The following LHFPL4 variants were observed in gnomAD, a reference collection of about 807,000 sequenced individuals.
LHFPL4 encodes the protein LHFPL tetraspan subfamily member 4.
A neutral mutation model predicts 20.0 loss-of-function variants in LHFPL4; 6 were observed. The observed-to-expected ratio is 0.30, with a 90% CI of 0.16 to 0.59. The LOEUF (loss-of-function observed/expected upper bound fraction) is 0.59. Ranked by LOEUF, LHFPL4 falls within the 20% of genes least tolerant of loss-of-function variation. The probability of loss-of-function intolerance (pLI) is 0.88; values close to 1 mark genes in which losing one functional copy is unlikely to be tolerated. For synonymous variants in LHFPL4, 129 were observed against 143.8 expected (o/e 0.90, Z 0.74); for missense variants, 215 against 331.2 (o/e 0.65, Z 2.72).
intron 2 of LHFPL4, among the ~76,000 whole-genome samples, chr3:9,531,045 CAG>C (rs1487586229): frequency 2.0e-5 from 3 of 152,140 alleles, no homozygotes; most frequent in African/African-American, 7.2e-5. Flanking sequence ...GGGAGAGAGA[CAG>C]GGGAACAGCC....
chr3:9,533,184 T>C (rs1444564266), intron 2 of LHFPL4, among the ~76,000 whole-genome samples: 1 of 152,160 alleles, frequency 6.6e-6, no homozygotes, highest in Non-Finnish European at 1.5e-5. Flanking sequence ...CACTGAACCA[T>C]CCCCTAGACC....
rs2046561109 is a variant in LHFPL4 at position 9,552,399 on chromosome 3, G to A, written c.281C>T (p.Ala94Val). The A allele has an allele frequency of 1.1e-5, 17 of 1,613,806 alleles. No homozygotes were observed. Among genetic ancestry groups the A allele is most frequent in the Admixed American group, 1.7e-5 (1 of 59,994 alleles). ...GGAGAGCAGCACGAAGAAGGCGGCC[G>A]CCTTGAAGGCGCTGGACGGGATGGT... ...FSTIPSSAFK[A>V]AAFFVLLSMV... Residue 94 changes from alanine to valine, a missense_variant, in exon 2 of 4, where the codon GCG (alanine) becomes GTG (valine). By Grantham distance (64) the Ala-to-Val change is moderately conservative. Transcript: ENST00000287585.
At chr3:9,553,028 A>C (rs1396057646) in intron 1 of LHFPL4, among the ~76,000 whole-genome samples, 181 bp from the exon 2 acceptor site, 1 of 44,382 alleles carries the variant, frequency 2.3e-5, no homozygotes, top group Non-Finnish European at 4.6e-5. Flanking sequence ...GGAGTTGGGG[A>C]GGGGGTTTGA....
chr3:9,504,046 A>G (rs2046198452), intron 3 of LHFPL4, among the ~76,000 whole-genome samples: 1 of 151,986 alleles, frequency 6.6e-6, no homozygotes, highest in Non-Finnish European at 1.5e-5. Flanking sequence ...AAAAAAATAC[A>G]ATAATCAACA....
intron 2 of LHFPL4, among the ~76,000 whole-genome samples, chr3:9,513,834 G>T (rs1002565316): frequency 1.3e-5 from 2 of 152,152 alleles, no homozygotes; most frequent in East Asian, 1.9e-4. Context: ...AGACTGAGTG[G>T]TCACCATCAT....
intron 2 of LHFPL4, among the ~76,000 whole-genome samples, chr3:9,527,628 G>C (rs1469031956): frequency 6.6e-6 from 1 of 151,866 alleles, no homozygotes; most frequent in Non-Finnish European, 1.5e-5. Flanking sequence ...GATTGCTTGA[G>C]GTCAGAAGGC....
chr3:9,526,327 G>A (rs2046375136), intron 2 of LHFPL4, among the ~76,000 whole-genome samples: 1 of 152,156 alleles, frequency 6.6e-6, no homozygotes, highest in Non-Finnish European at 1.5e-5. Context: ...GAGCAATAAT[G>A]TGAATGTACT....
intron 1 of LHFPL4, 83 bp downstream of exon 1, chr3:9,553,602 G>A (rs1389149063): frequency 6.6e-6 from 1 of 151,218 alleles, no homozygotes; most frequent in Non-Finnish European, 1.5e-5. Context: ...GAGTAGGGCC[G>A]GGGTTGGGGG....
At chr3:9,522,540 G>C (rs541777027) in intron 2 of LHFPL4, among the ~76,000 whole-genome samples, 1 of 150,060 alleles carries the variant, frequency 6.7e-6, no homozygotes, top group Non-Finnish European at 1.5e-5. Flanking sequence ...AGGAGTTCGA[G>C]ACCAGGCTGG....
In LHFPL4 at chr3:9,535,827, G is replaced by T. The variant is rs893955111; in HGVS notation, c.406+16447C>A. Among the ~76,000 whole-genome samples, 8 of 151,958 alleles carry T rather than the reference G, an allele frequency of 5.3e-5. No homozygotes were observed. In the South Asian group the frequency reaches 1.5e-3, roughly 28 times the overall value. On this transcript the variant is annotated intron_variant, in intron 2 of 3. Coordinates refer to ENST00000287585, the MANE Select transcript of LHFPL4 (RefSeq NM_198560.3). ...CATTATAATTTCTTTTTGAGATAGG[G>T]TCTCACTCTTGTTGCCCAGGCTGGA...
rs551330379 is a variant in LHFPL4, at chr3:9,499,094, G to C, written c.*3117C>G. 3 of 153,402 alleles carry C rather than the reference G, an allele frequency of 2.0e-5. No homozygotes were observed. Among genetic ancestry groups the C allele is most frequent in the East Asian group, 1.9e-4 (1 of 5,192 alleles). The allele number at this position is 153,402 out of a possible 1,614,324, so 9.5% of individuals were successfully genotyped here. A position where few individuals can be genotyped will look rare whatever the true frequency, so the allele number is the denominator to read the frequency against. ...GTTAGGGGGGTCACAGTTAGGGGGG[G>C]ACTTCTCTTGGGACCTGAAGCCGGA... On this transcript the variant is annotated 3_prime_UTR_variant, in exon 4 of 4. Transcript: ENST00000287585.
chr3:9,515,886 T>C (rs529895010), intron 2 of LHFPL4, among the ~76,000 whole-genome samples: 1 of 152,134 alleles, frequency 6.6e-6, no homozygotes, highest in Admixed American at 6.5e-5. Context: ...GGCTAATTTT[T>C]GTATTTTTAG....
intron 1 of LHFPL4, among the ~76,000 whole-genome samples, chr3:9,553,072 G>A (rs976942972): frequency 6.6e-6 from 1 of 151,666 alleles, no homozygotes; most frequent in African/African-American, 2.4e-5. Flanking sequence ...GGGGACAAGG[G>A]GAGGTGGAAT....
intron 2 of LHFPL4, among the ~76,000 whole-genome samples, chr3:9,537,107 T>C (rs1325817590): frequency 6.6e-6 from 1 of 151,636 alleles, no homozygotes; most frequent in East Asian, 1.9e-4. Flanking sequence ...AGAAACCAGC[T>C]CTCCTACTTA....
At chr3:9,552,213 G>A (rs1418096228) in intron 2 of LHFPL4, 61 bp downstream of exon 2, 2 of 1,532,716 alleles carry the variant, frequency 1.3e-6, no homozygotes, top group Non-Finnish European at 1.8e-6. Flanking sequence ...AAGGGGACCT[G>A]GCAGGAAGGA....
At chr3:9,518,309 A>C (rs770650780) in intron 2 of LHFPL4, among the ~76,000 whole-genome samples, 1 of 152,096 alleles carries the variant, frequency 6.6e-6, no homozygotes, top group Non-Finnish European at 1.5e-5. Flanking sequence ...TTGACTTGCT[A>C]ATAATTTGTT....
At chr3:9,516,829 G>T (rs944823079) in intron 2 of LHFPL4, among the ~76,000 whole-genome samples, 6 of 146,202 alleles carry the variant, frequency 4.1e-5, no homozygotes, top group Non-Finnish European at 6.0e-5. Flanking sequence ...TCCCAGGCTG[G>T]AGTGCAGTAG....
intron 2 of LHFPL4, among the ~76,000 whole-genome samples, chr3:9,546,323 A>AG (rs1035023355): frequency 1.3e-5 from 2 of 151,394 alleles, no homozygotes; most frequent in Non-Finnish European, 2.9e-5. Flanking sequence ...TGAAAAAAAA[A>AG]AAAAAGAAAA....
intron 2 of LHFPL4, among the ~76,000 whole-genome samples, chr3:9,518,921 T>TTTTG (rs149594858): frequency 0.2 from 22,304 of 108,806 alleles, 2,644 homozygotes; most frequent in East Asian, 0.42. Context: ...ATTGGCTAAT[T>TTTTG]TTTGTTTATT....
Sources: gnomAD v4.1 joint callset for allele counts (sites outside exome capture counted in the v4.1 genomes callset) on GRCh38, gnomAD v4.1.1 for gene constraint, MANE v1.5 for transcripts, NCBI Gene and HGNC (gene_info 2026-07-23, HGNC 2026-07-21) for gene names.